Variants in SKAP2 observed in about 807,000 individuals in gnomAD.
The protein encoded by SKAP2 is src kinase-associated phosphoprotein 2.
In SKAP2, 28 loss-of-function variants were observed where a neutral mutation model predicts 54.9. The ratio of observed to expected loss-of-function variants is 0.51; its 90% confidence interval spans 0.38 to 0.70. SKAP2 has a LOEUF of 0.70. SKAP2 is among the 30% of genes least tolerant of loss of function. SKAP2 has a pLI of 0.00. For synonymous variants in SKAP2, 137 were observed against 134.3 expected (o/e 1.02, Z -0.14); for missense variants, 356 against 424.1 (o/e 0.84, Z 1.41).
intron 4 of SKAP2, among the ~76,000 whole-genome samples, chr7:26,839,393 AC>A (rs1284023001): frequency 1.3e-5 from 2 of 152,132 alleles, no homozygotes; most frequent in African/African-American, 4.8e-5. Context: ...AACTGCTAAA[AC>A]ATATATAAGC....
At chr7:26,716,995 A>G (rs1787460835) in intron 9 of SKAP2, among the ~76,000 whole-genome samples, 1 of 152,176 alleles carries the variant, frequency 6.6e-6, no homozygotes, top group South Asian at 2.1e-4. Flanking sequence ...TTTCCTGTGT[A>G]TTCTCCATCT....
At chr7:26,683,535 T>TGGATGGAA (rs1554293151) in intron 11 of SKAP2, among the ~76,000 whole-genome samples, 1 of 147,058 alleles carries the variant, frequency 6.8e-6, no homozygotes, top group Non-Finnish European at 1.5e-5. Flanking sequence ...GATGGATGGA[T>TGGATGGAA]GGAAGGAAGG....
chr7:26,787,320 GGT>G (rs1491223453), intron 4 of SKAP2, among the ~76,000 whole-genome samples: 3 of 132,466 alleles, frequency 2.3e-5, no homozygotes, highest in African/African-American at 5.6e-5. Context: ...GCCTCAAGAT[GGT>G]TTTTTTTTTT....
chr7:26,846,332 ATAT>A (rs1412536672), intron 3 of SKAP2, among the ~76,000 whole-genome samples: 1 of 152,192 alleles, frequency 6.6e-6, no homozygotes, highest in African/African-American at 2.4e-5. Context: ...GGCTTAAATT[ATAT>A]TAAATTCTAG....
chr7:26,768,014 C>A (rs2127973753), intron 4 of SKAP2, among the ~76,000 whole-genome samples: 1 of 152,212 alleles, frequency 6.6e-6, no homozygotes, highest in African/African-American at 2.4e-5. Flanking sequence ...TTCTGAATAT[C>A]CTTGTTAATT....
chr7:26,717,655 G>A (rs1006939815), intron 9 of SKAP2, among the ~76,000 whole-genome samples: 76 of 148,398 alleles, frequency 5.1e-4, no homozygotes, highest in South Asian at 4.3e-4. Flanking sequence ...GCAAAACCCT[G>A]TCTCTACTAA....
intron 9 of SKAP2, among the ~76,000 whole-genome samples, chr7:26,710,047 C>T (rs1447366037): frequency 6.6e-6 from 1 of 152,106 alleles, no homozygotes; most frequent in African/African-American, 2.4e-5. Flanking sequence ...TAGGATTCTG[C>T]AGTAATTCAT....
At chr7:26,778,626 T>C (rs1397752748) in intron 4 of SKAP2, among the ~76,000 whole-genome samples, 1 of 151,966 alleles carries the variant, frequency 6.6e-6, no homozygotes, top group Non-Finnish European at 1.5e-5. Flanking sequence ...GGTTTCCCAG[T>C]TCAAATTCAG....
intron 11 of SKAP2, among the ~76,000 whole-genome samples, chr7:26,678,760 G>C (rs1426187265): frequency 6.6e-6 from 1 of 151,988 alleles, no homozygotes; most frequent in Non-Finnish European, 1.5e-5. Flanking sequence ...TTCCTTGATA[G>C]CTGAATACTC....
chr7:26,832,928 C>T (rs1423045207), intron 4 of SKAP2, among the ~76,000 whole-genome samples: 1 of 152,172 alleles, frequency 6.6e-6, no homozygotes, highest in African/African-American at 2.4e-5. Context: ...TGGGTCCATC[C>T]TCAAAAGCAG....
intron 4 of SKAP2, among the ~76,000 whole-genome samples, chr7:26,800,488 AAAAAT>A (rs1783889879): frequency 6.6e-6 from 1 of 151,766 alleles, no homozygotes; most frequent in Non-Finnish European, 1.5e-5. Flanking sequence ...TAGTAGAAGA[AAAAAT>A]AAATAAATAA....
At position 26,681,831 on chromosome 7, in the gene SKAP2, A is replaced by G. The variant is rs189199825; in HGVS notation, c.987+2905T>C. 5.4e-4 allele frequency among the ~76,000 whole-genome samples: 82 copies of G among 152,330 alleles called. 1 individual carries two copies. In the East Asian group the frequency reaches 0.014, roughly 27 times the overall value. On this transcript the variant is annotated intron_variant, in intron 11 of 12. Transcript: ENST00000345317. ...ATTCTTCCTTATATATACAATTTCT[A>G]TATTTAATTCAGAATGATGAACAAA... is the stretch of plus-strand genomic sequence containing the variant.
intron 4 of SKAP2, among the ~76,000 whole-genome samples, chr7:26,839,810 T>C (rs923026912): frequency 2.6e-5 from 4 of 152,044 alleles, no homozygotes; most frequent in Admixed American, 2.6e-4. Flanking sequence ...TACATTAAAT[T>C]TATGTTGTGC....
At chr7:26,745,780 G>T (rs953339665) in intron 4 of SKAP2, among the ~76,000 whole-genome samples, 3 of 152,248 alleles carry the variant, frequency 2.0e-5, no homozygotes, top group Non-Finnish European at 4.4e-5. Flanking sequence ...CTCCCAAAGT[G>T]CTGGTATTAT....
At chr7:26,820,020 A>T (rs1000301667) in intron 4 of SKAP2, among the ~76,000 whole-genome samples, 15 of 151,968 alleles carry the variant, frequency 9.9e-5, no homozygotes, top group South Asian at 4.1e-4. Context: ...CAGAAAATTT[A>T]AAAAAATCAA....
intron 9 of SKAP2, among the ~76,000 whole-genome samples, chr7:26,720,623 T>C (rs574846190): frequency 9.2e-5 from 14 of 152,324 alleles, no homozygotes; most frequent in Admixed American, 4.6e-4. Context: ...AGAGGTTTAA[T>C]TGACTCACAG....
chr7:26,761,071 A>G (rs927016041), intron 4 of SKAP2, among the ~76,000 whole-genome samples: 2 of 152,208 alleles, frequency 1.3e-5, no homozygotes, highest in African/African-American at 2.4e-5. Context: ...GAAATGCGCG[A>G]AAGTGGAACA....
chr7:26,659,959 C>A, the SKAP2 span, among the ~76,000 whole-genome samples: 1 of 151,978 alleles, frequency 6.6e-6, no homozygotes, highest in African/African-American at 2.4e-5. Flanking sequence ...GAGTTTAGGG[C>A]GGCTCTTGCT....
At chr7:26,843,551 C>T (rs781309047) in intron 4 of SKAP2, among the ~76,000 whole-genome samples, 19 of 151,688 alleles carry the variant, frequency 1.3e-4, no homozygotes, top group Non-Finnish European at 2.5e-4. Flanking sequence ...TGAAAATGCG[C>T]ATTAAAAGAA....
Sources: allele counts gnomAD v4.1 joint callset (sites outside exome capture counted in the v4.1 genomes callset), GRCh38; gene constraint gnomAD v4.1.1; transcripts MANE v1.5; gene names NCBI Gene and HGNC (gene_info 2026-07-23, HGNC 2026-07-21).